NEIL3: variants seen among roughly 807,000 people sequenced by gnomAD.
The protein encoded by NEIL3 is endonuclease 8-like 3.
In NEIL3, 48 loss-of-function variants were observed where a neutral mutation model predicts 57.5. The ratio of observed to expected loss-of-function variants is 0.83; its 90% CI spans 0.66 to 1.06. NEIL3 has a LOEUF of 1.06. Among genes scored for constraint, NEIL3 ranks in the 50% least tolerant of loss-of-function variants. The pLI is 0.00. For missense variants in NEIL3, 717 were observed against 739.1 expected (o/e 0.97, Z 0.35); for synonymous variants, 261 against 253.2 (o/e 1.03, Z -0.29).
chr4:177,347,805 T>C (rs576546651), intron 6 of NEIL3, among the ~76,000 whole-genome samples: 8 of 152,346 alleles, frequency 5.3e-5, no homozygotes, highest in Non-Finnish European at 1.0e-4. Context: ...TAGGTCCTAA[T>C]GTGAATATGT....
chr4:177,355,493 A>AT (rs1735452744), intron 8 of NEIL3, among the ~76,000 whole-genome samples: 2 of 152,096 alleles, frequency 1.3e-5, no homozygotes, highest in Non-Finnish European at 2.9e-5. Context: ...ATTTTGTGTA[A>AT]TTTTTTTATT....
intron 6 of NEIL3, among the ~76,000 whole-genome samples, chr4:177,345,022 T>G (rs1735184616): frequency 6.6e-6 from 1 of 152,184 alleles, no homozygotes; most frequent in African/African-American, 2.4e-5. Context: ...ATACACCAGG[T>G]ACTTGGAATA....
intron 9 of NEIL3, among the ~76,000 whole-genome samples, chr4:177,361,584 T>A (rs1224445706): frequency 6.6e-6 from 1 of 152,144 alleles, no homozygotes; most frequent in Admixed American, 6.6e-5. Context: ...CTTTTATAGA[T>A]GTAATGGGAA....
intron 2 of NEIL3, among the ~76,000 whole-genome samples, chr4:177,328,903 A>G (rs1734829919): frequency 6.6e-6 from 1 of 152,012 alleles, no homozygotes; most frequent in African/African-American, 2.4e-5. Flanking sequence ...ATGGTACACT[A>G]ATGTTGTTGC....
chr4:177,331,080 C>T (rs1734877037), intron 2 of NEIL3, among the ~76,000 whole-genome samples: 2 of 152,066 alleles, frequency 1.3e-5, no homozygotes, highest in Non-Finnish European at 2.9e-5. Flanking sequence ...GGACAGATTC[C>T]TTGAAAGACA....
At chr4:177,339,205 A>G (rs754708064) in intron 4 of NEIL3, among the ~76,000 whole-genome samples, 2 of 152,266 alleles carry the variant, frequency 1.3e-5, no homozygotes, top group Non-Finnish European at 2.9e-5. Flanking sequence ...CAGAAGCCTT[A>G]CTGATAACAT....
At chr4:177,318,734 C>G (rs979406214) in intron 1 of NEIL3, among the ~76,000 whole-genome samples, 1 of 152,166 alleles carries the variant, frequency 6.6e-6, no homozygotes, top group Admixed American at 6.5e-5. Context: ...CCCAATCTTG[C>G]TCTCTCCTTT....
At chr4:177,335,890 G>C (rs1734969872) in intron 3 of NEIL3, 68 bp downstream of exon 3, 2 of 1,367,918 alleles carry the variant, frequency 1.5e-6, no homozygotes, top group African/African-American at 2.9e-5. Flanking sequence ...TGTCACACGT[G>C]TAACTAAAGA....
At chr4:177,337,590 A>G (rs1735002207) in intron 4 of NEIL3, among the ~76,000 whole-genome samples, 1 of 152,004 alleles carries the variant, frequency 6.6e-6, no homozygotes, top group Non-Finnish European at 1.5e-5. Flanking sequence ...AAAAAAGAGA[A>G]CCCAGGGTAT....
At chr4:177,314,671 G>A (rs1324380822) in intron 1 of NEIL3, among the ~76,000 whole-genome samples, 2 of 152,116 alleles carry the variant, frequency 1.3e-5, no homozygotes, top group African/African-American at 4.8e-5. Flanking sequence ...GAAAATTGTA[G>A]AATATGTTTT....
At chr4:177,355,541 A>G (rs1579007660) in intron 8 of NEIL3, among the ~76,000 whole-genome samples, 1 of 152,142 alleles carries the variant, frequency 6.6e-6, no homozygotes, top group African/African-American at 2.4e-5. Context: ...TTTCGATCCA[A>G]GGTTGGTTGA....
chr4:177,367,347 T>G (rs1488149643), downstream of NEIL3, among the ~76,000 whole-genome samples: 2 of 152,064 alleles, frequency 1.3e-5, no homozygotes, highest in African/African-American at 4.8e-5. Flanking sequence ...GGCTTTGGTT[T>G]CAATGACAGT....
chr4:177,353,129 T>A (rs1185415378), intron 7 of NEIL3, among the ~76,000 whole-genome samples, 179 bp from the exon 8 acceptor site: 1 of 152,190 alleles, frequency 6.6e-6, no homozygotes, highest in Non-Finnish European at 1.5e-5. Context: ...AATATTTCAT[T>A]TCCTAGCCAG....
chr4:177,335,687 G>A lies in NEIL3; in HGVS notation c.279-1G>A, dbSNP rs141758794. 3.7e-6 allele frequency: 6 copies of A among 1,607,984 alleles called. No individual in the cohort carries two copies. The highest frequency in any genetic ancestry group is 5.1e-6 in the Non-Finnish European group (6 of 1,177,598). ...TCAAAAATGGTTTGATTTTGTTTCA[G>A]GATTCATTTCGGAATGAAAGGCTTC... is the stretch of plus-strand genomic sequence containing the variant. On this transcript the variant is annotated splice_acceptor_variant, in intron 2 of 9. Coordinates refer to ENST00000264596, the MANE Select transcript of NEIL3 (RefSeq NM_018248.3). LOFTEE classifies it high-confidence loss of function.
intron 1 of NEIL3, among the ~76,000 whole-genome samples, chr4:177,318,006 C>A (rs1212550764): frequency 1.3e-5 from 2 of 152,134 alleles, no homozygotes; most frequent in Non-Finnish European, 2.9e-5. Context: ...ATAATAAAAA[C>A]TTCTTTCAAA....
At chr4:177,364,482 C>A (rs1450476917), downstream of NEIL3, among the ~76,000 whole-genome samples, 1 of 152,152 alleles carries the variant, frequency 6.6e-6, no homozygotes, top group Non-Finnish European at 1.5e-5. Context: ...AATCAGCAGG[C>A]AATTTTGGCA....
At chr4:177,343,753 T>C (rs1735148656) in intron 6 of NEIL3, 1 of 151,554 alleles carries the variant, frequency 6.6e-6, no homozygotes, top group Non-Finnish European at 1.5e-5. Flanking sequence ...TATATATATA[T>C]ATAATACACA....
chr4:177,370,584 T>C, the NEIL3 span, among the ~76,000 whole-genome samples: 1 of 151,976 alleles, frequency 6.6e-6, no homozygotes, highest in Non-Finnish European at 1.5e-5. Context: ...AAAAGAGTAA[T>C]GAGGGAGGAA....
At position 177,353,737 on chromosome 4, in the gene NEIL3, C is replaced by A; in HGVS notation, c.1460+9C>A. On this transcript the variant is annotated intron_variant, in intron 8 of 9. Coordinates refer to ENST00000264596, the MANE Select transcript of NEIL3 (RefSeq NM_018248.3). ...CCTGGATATTCTAACAGGTATGATG[C>A]TTTTAACCTTGGTCTTTAAGATAAT... 5 of 1,579,616 alleles carry A rather than the reference C, an allele frequency of 3.2e-6. No individual in the cohort carries two copies. The highest frequency in any genetic ancestry group is 1.2e-5 in the South Asian group (1 of 85,888).
Sources: gnomAD v4.1 joint callset for allele counts (sites outside exome capture counted in the v4.1 genomes callset) on GRCh38, gnomAD v4.1.1 for gene constraint, MANE v1.5 for transcripts, NCBI Gene and HGNC (gene_info 2026-07-23, HGNC 2026-07-21) for gene names.